The following ASB17 variants were observed in gnomAD, a reference collection of about 807,000 sequenced individuals.
ASB17 encodes the protein ankyrin repeat and SOCS box protein 17.
ASB17 carries 26 observed loss-of-function variants against 25.7 expected under a neutral mutation model. The ratio of observed to expected loss-of-function variants is 1.01; its 90% CI spans 0.74 to 1.40. The LOEUF (loss-of-function observed/expected upper bound fraction) is 1.40. ASB17 is among the 40% of genes most tolerant of loss of function. The pLI, the probability that ASB17 is intolerant of heterozygous loss-of-function variation, is 0.00. For synonymous variants in ASB17, 128 were observed against 121.4 expected (o/e 1.05, Z -0.36); for missense variants, 326 against 338.5 (o/e 0.96, Z 0.29).
chr1:75,919,114 A>C lies in ASB17; in HGVS notation c.726T>G (p.Phe242Leu). Residue 242 changes from phenylalanine (F) to leucine (L), a missense_variant, in exon 3 of 3, where the codon TTT (phenylalanine) becomes TTG (leucine). By Grantham distance (22) the Phe-to-Leu change is conservative. Coordinates refer to ENST00000284142, the MANE Select transcript of ASB17 (RefSeq NM_080868.3). ...TGTATCTTGTTGAAGGAATGTAATC[A>C]AACCAATTTGAAATAATTGGATGTC... ...LGRHPIISNW[F>L]DYIPSTRYKD... The C allele has an allele frequency of 6.2e-7, 1 of 1,613,172 alleles. No individual in the cohort carries two copies. The highest frequency in any genetic ancestry group is 1.1e-5 in the South Asian group (1 of 91,044).
chr1:75,931,336 G>T (rs74089665), intron 1 of ASB17, among the ~76,000 whole-genome samples: 3,020 of 152,268 alleles, frequency 0.02, 106 homozygotes, highest in African/African-American at 0.069. Context: ...TCAGTAGTAT[G>T]CATTAGGTAG....
rs769849151 is a variant in ASB17 at position 75,919,025 on chromosome 1, T to C, written c.815A>G (p.Asn272Ser). ...LTIRNQLLTN[N>S]MLPDGIFSLL... ...TGAAAATATTCCATCTGGGAGCATA[T>C]TGTTGGTTAATAGTTGATTCCTGAT... Residue 272 changes from asparagine to serine, a missense_variant, in exon 3 of 3, where the codon AAT becomes AGT. Coordinates refer to ENST00000284142, the MANE Select transcript of ASB17 (RefSeq NM_080868.3). 4 of 1,612,774 alleles carry C rather than the reference T, an allele frequency of 2.5e-6. No individual in the cohort carries two copies. Among genetic ancestry groups the C allele is most frequent in the South Asian group, 1.1e-5 (1 of 91,070 alleles).
intron 1 of ASB17, among the ~76,000 whole-genome samples, chr1:75,929,709 C>G (rs1653271699): frequency 6.6e-6 from 1 of 152,000 alleles, no homozygotes; most frequent in African/African-American, 2.4e-5. Context: ...AGCTGAATGA[C>G]TCTTTAAGAG....
At chr1:75,919,249 A>C in intron 2 of ASB17, 91 bp from the exon 3 acceptor site, 4 of 889,090 alleles carry the variant, frequency 4.5e-6, no homozygotes, top group Non-Finnish European at 6.6e-6. Flanking sequence ...TAAATTTAGA[A>C]AATAGACCAT....
At position 75,932,168 on chromosome 1, in the gene ASB17, A is replaced by G; in HGVS notation, c.124T>C (p.Cys42Arg). 1 of 1,614,164 alleles carries G rather than the reference A, an allele frequency of 6.2e-7. No individual in the cohort carries two copies. Among genetic ancestry groups the G allele is most frequent in the Non-Finnish European group, 8.5e-7 (1 of 1,180,006 alleles). ...GATCTGTAAATCCTTGGTTCGTAAC[A>G]GTGATATCCCCACTGACCCAAAAAC... ...LQFLGQWGYH[C>R]YEPRIYRSLA... Residue 42 changes from cysteine to arginine, a missense_variant, in exon 1 of 3, where the codon TGT becomes CGT. Transcript: ENST00000284142.
chr1:75,920,637 TTCTTTA>T (rs1237827044), intron 2 of ASB17, among the ~76,000 whole-genome samples: 1 of 152,262 alleles, frequency 6.6e-6, no homozygotes, highest in Non-Finnish European at 1.5e-5. Flanking sequence ...TTTAATGCTA[TTCTTTA>T]TCTTCCTGCT....
At chr1:75,921,432 T>C (rs1653024780) in intron 2 of ASB17, among the ~76,000 whole-genome samples, 1 of 152,184 alleles carries the variant, frequency 6.6e-6, no homozygotes, top group African/African-American at 2.4e-5. Context: ...TAGCTTTCTC[T>C]CTATTAAACG....
intron 1 of ASB17, among the ~76,000 whole-genome samples, chr1:75,926,827 A>C (rs527373657): frequency 6.6e-6 from 1 of 152,308 alleles, no homozygotes; most frequent in South Asian, 2.1e-4. Context: ...CTCGATATCC[A>C]TTAGGCAGTG....
intron 1 of ASB17, among the ~76,000 whole-genome samples, chr1:75,928,831 T>A (rs1653242107): frequency 6.6e-6 from 1 of 152,198 alleles, no homozygotes; most frequent in Non-Finnish European, 1.5e-5. Flanking sequence ...ACACACTCTA[T>A]CCGTGAGGAT....
At chr1:75,927,498 A>T (rs1653203161) in intron 1 of ASB17, among the ~76,000 whole-genome samples, 1 of 152,264 alleles carries the variant, frequency 6.6e-6, no homozygotes, top group Non-Finnish European at 1.5e-5. Context: ...TTGCCTGGAC[A>T]GTTGTAGTAT....
chr1:75,921,535 T>C (rs537272060), intron 2 of ASB17, among the ~76,000 whole-genome samples: 152 of 152,350 alleles, frequency 1.0e-3, no homozygotes, highest in Non-Finnish European at 1.8e-3. Flanking sequence ...GTTAATTGTT[T>C]TCTCTAAATT....
Position 75,922,352 on chromosome 1 carries a change from T to C in ASB17, c.409A>G (p.Thr137Ala). ...AATGGGCTTGGACAGTATACTGGTG[T>C]GAAAGTTCTGTGAATTAAACAAAAC... Reference protein sequence around the residue: ...CNLALIWRTFTPVYCPSPLSG... With the variant: ...CNLALIWRTFAPVYCPSPLSG... Residue 137 changes from threonine to alanine, a missense_variant, in exon 2 of 3, where the codon ACA becomes GCA. By Grantham distance (58) the Thr-to-Ala change is moderately conservative. Coordinates refer to ENST00000284142, the MANE Select transcript of ASB17 (RefSeq NM_080868.3). 1.3e-6 allele frequency: 2 copies of C among 1,570,736 alleles called. No individual in the cohort carries two copies. Among genetic ancestry groups the C allele is most frequent in the Non-Finnish European group, 1.7e-6 (2 of 1,159,134 alleles).
intron 1 of ASB17, among the ~76,000 whole-genome samples, chr1:75,928,834 G>A (rs71656866): frequency 0.088 from 13,470 of 152,248 alleles, 632 homozygotes; most frequent in Non-Finnish European, 0.11. Flanking sequence ...CACTCTATCC[G>A]TGAGGATAGA....
intron 2 of ASB17, 36 bp downstream of exon 2, chr1:75,922,044 T>C (rs1653038637): frequency 1.3e-6 from 2 of 1,527,558 alleles, no homozygotes; most frequent in African/African-American, 1.4e-5. Context: ...GATTCACTAA[T>C]ATTTGAGCCC....
In ASB17 at chr1:75,922,189, C is replaced by A. The variant is rs1653044088; in HGVS notation, c.572G>T (p.Arg191Ile). The A allele has an allele frequency of 1.2e-6, 2 of 1,613,680 alleles. No individual in the cohort carries two copies. The highest frequency in any genetic ancestry group is 2.7e-5 in the African/African-American group (2 of 74,906). The change falls in exon 2 of 3, where the codon AGA becomes ATA. Residue 191 changes from arginine (R) to isoleucine (I), a missense_variant. By Grantham distance (97) the Arg-to-Ile change is moderately conservative (BLOSUM62 -3). Transcript: ENST00000284142. ...IVLTIVLYPS[R>I]VRVMVDRELA... ...TTCACGATCAACCATTACTCTTACTCTCGAAGGGTAGAGTACTATTGTTAA... is the reference window on the plus strand; with the variant it reads ...TTCACGATCAACCATTACTCTTACTATCGAAGGGTAGAGTACTATTGTTAA...
At position 75,919,014 on chromosome 1, in the gene ASB17, C is replaced by T. The variant is rs773142350; in HGVS notation, c.826G>A (p.Asp276Asn). The change falls in exon 3 of 3, where the codon GAT (aspartate) becomes AAT (asparagine). Residue 276 changes from aspartate to asparagine, a missense_variant. By Grantham distance (23) the Asp-to-Asn change is conservative (BLOSUM62 1). Coordinates refer to ENST00000284142, the MANE Select transcript of ASB17 (RefSeq NM_080868.3). ...NQLLTNNMLP[D>N]GIFSLLIPAR... Reference sequence around the variant, plus strand: ...GGAATTAGAAGTGAAAATATTCCATCTGGGAGCATATTGTTGGTTAATAGT... The same window carrying T: ...GGAATTAGAAGTGAAAATATTCCATTTGGGAGCATATTGTTGGTTAATAGT... 6.2e-7 allele frequency: 1 copy of T among 1,613,028 alleles called. No individual in the cohort carries two copies. The highest frequency in any genetic ancestry group is 1.1e-5 in the South Asian group (1 of 91,060).
intron 1 of ASB17, among the ~76,000 whole-genome samples, chr1:75,923,753 A>C (rs1382642216): frequency 6.6e-6 from 1 of 152,146 alleles, no homozygotes; most frequent in Admixed American, 6.6e-5. Flanking sequence ...AATAGAGACA[A>C]GTGTTCTAGG....
intron 2 of ASB17, among the ~76,000 whole-genome samples, chr1:75,920,263 C>T (rs1256589922): frequency 3.9e-5 from 6 of 152,148 alleles, no homozygotes; most frequent in African/African-American, 1.2e-4. Flanking sequence ...TTTAATCTTA[C>T]GGATCAAATG....
At chr1:75,930,672 G>C (rs1011890471) in intron 1 of ASB17, among the ~76,000 whole-genome samples, 1 of 151,988 alleles carries the variant, frequency 6.6e-6, no homozygotes, top group East Asian at 1.9e-4. Flanking sequence ...GTTGTTAATG[G>C]CACCCTATCA....
Sources: allele counts gnomAD v4.1 joint callset (sites outside exome capture counted in the v4.1 genomes callset), GRCh38; gene constraint gnomAD v4.1.1; transcripts MANE v1.5; gene names NCBI Gene and HGNC (gene_info 2026-07-23, HGNC 2026-07-21).